WDR17: variants seen among roughly 807,000 people sequenced by gnomAD.
The protein encoded by WDR17 is WD repeat domain 17, also known as WD repeat-containing protein 17.
Under a neutral mutation model 161.7 loss-of-function variants are expected in WDR17, and 143 were observed. The ratio of observed to expected loss-of-function variants is 0.88; its 90% CI spans 0.77 to 1.02. WDR17 has a LOEUF of 1.02. WDR17 is among the 50% of genes least tolerant of loss of function. The probability of loss-of-function intolerance (pLI) is 0.00; values close to 1 mark genes in which losing one functional copy is unlikely to be tolerated. For synonymous variants in WDR17, 517 were observed against 515.6 expected (o/e 1.00, Z -0.04); for missense variants, 1,469 against 1,520.9 (o/e 0.97, Z 0.57).
intron 26 of WDR17, among the ~76,000 whole-genome samples, chr4:176,175,597 T>G (rs1326217700): frequency 2.6e-5 from 4 of 152,014 alleles, no homozygotes; most frequent in Non-Finnish European, 4.4e-5. Flanking sequence ...TCTCTCTGTC[T>G]CCCAGGCTGG....
At chr4:176,114,902 A>G (rs1366967289) in intron 2 of WDR17, among the ~76,000 whole-genome samples, 1 of 151,576 alleles carries the variant, frequency 6.6e-6, no homozygotes, top group African/African-American at 2.4e-5. Context: ...AAGGCCATCA[A>G]GTGGAGGTGA....
intron 22 of WDR17, 111 bp from the exon 23 acceptor site, chr4:176,168,561 A>G: frequency 1.5e-6 from 2 of 1,305,680 alleles, no homozygotes. Context: ...GTTTGTGTAA[A>G]TTAAAAAGCA....
chr4:176,115,589 C>T (rs2126707044), intron 2 of WDR17, among the ~76,000 whole-genome samples: 1 of 151,490 alleles, frequency 6.6e-6, no homozygotes, highest in South Asian at 2.1e-4. Flanking sequence ...TGTTTTTATT[C>T]TCTCAGTTTT....
chr4:176,172,650 G>A (rs147376026), intron 24 of WDR17, 134 bp downstream of exon 24: 11,700 of 835,020 alleles, frequency 0.014, 105 homozygotes, highest in Middle Eastern at 0.022. Flanking sequence ...TATAAAGAAA[G>A]TAGATTTATT....
In WDR17 at chr4:176,092,952, G is replaced by A. The variant is rs188411755; in HGVS notation, c.-6-18623G>A. On this transcript the variant is annotated intron_variant, in intron 1 of 28. Coordinates refer to ENST00000508596, the MANE Select transcript of WDR17 (RefSeq NM_181265.4). ...AGCTACTTTGGTGGTTGAGGCATGA[G>A]AATCGCTTGAACCTGGGAGGCGGAG... Among the ~76,000 whole-genome samples the A allele has an allele frequency of 5.5e-4, 83 of 152,268 alleles. 1 individual carries two copies. The highest frequency in any genetic ancestry group is 1.9e-3 in the African/African-American group (80 of 41,546).
chr4:176,113,396 A>G (rs758810246), intron 2 of WDR17, among the ~76,000 whole-genome samples: 2 of 152,084 alleles, frequency 1.3e-5, no homozygotes, highest in Non-Finnish European at 2.9e-5. Flanking sequence ...TATGATGAAT[A>G]TTTTAAAATA....
At chr4:176,145,433 A>G (rs1746010920) in intron 11 of WDR17, among the ~76,000 whole-genome samples, 1 of 152,326 alleles carries the variant, frequency 6.6e-6, no homozygotes, top group South Asian at 2.1e-4. Context: ...AAGCCATCAA[A>G]AAGGAATGGA....
At chr4:176,076,958 A>G (rs1171788538) in intron 1 of WDR17, among the ~76,000 whole-genome samples, 1 of 152,060 alleles carries the variant, frequency 6.6e-6, no homozygotes, top group Non-Finnish European at 1.5e-5. Flanking sequence ...TCTAATAGGC[A>G]TTGTCTAGCA....
Position 176,111,639 on chromosome 4 carries a change from A to T in WDR17, c.59A>T (p.Asp20Val), listed in dbSNP as rs148979622. The T allele has an allele frequency of 5.0e-6, 8 of 1,611,438 alleles. No homozygotes were observed. Among genetic ancestry groups the T allele is most frequent in the Non-Finnish European group, 5.9e-6 (7 of 1,178,404 alleles). Residue 20 changes from aspartate (D) to valine (V), a missense_variant, in exon 2 of 29, where the codon GAT becomes GTT. Asp to Val is a radical substitution (Grantham distance 152). Transcript: ENST00000508596. ...GCTGGATGTCAGCCATGGAACAAGG[A>T]TGTATGTGCTGCCAGTGGAGACAGG... ...LAAGCQPWNKDVCAASGDRFA... is the reference protein window; with the variant it reads ...LAAGCQPWNKVVCAASGDRFA...
In WDR17 at chr4:176,179,739, A is replaced by G; in HGVS notation, c.*160A>G. 1.0e-5 allele frequency: 2 copies of G among 194,548 alleles called. No individual in the cohort carries two copies. The highest frequency in any genetic ancestry group is 1.9e-5 in the Non-Finnish European group (2 of 103,390). The allele number at this position is 194,548 out of a possible 1,614,324, so 12.1% of individuals were successfully genotyped here. The stretch of plus-strand genomic sequence containing the variant: ...GTGAATTTTAGTCATTAACTTCAAA[A>G]TATATATATATATATAATTTAAAGG... On this transcript the variant is annotated 3_prime_UTR_variant, in exon 29 of 29. Coordinates refer to ENST00000508596, the MANE Select transcript of WDR17 (RefSeq NM_181265.4).
At chr4:176,074,867 A>C (rs1733769539) in intron 1 of WDR17, among the ~76,000 whole-genome samples, 1 of 133,090 alleles carries the variant, frequency 7.5e-6, no homozygotes, top group Admixed American at 8.2e-5. Context: ...ATTGCTCAAT[A>C]AATATTTATT....
intron 2 of WDR17, among the ~76,000 whole-genome samples, chr4:176,114,975 T>G (rs938811700): frequency 2.0e-5 from 3 of 151,958 alleles, no homozygotes; most frequent in Non-Finnish European, 4.4e-5. Flanking sequence ...TTCAAATTAC[T>G]TTGGCAAGAT....
At chr4:176,155,986 A>C in intron 17 of WDR17, 93 bp from the exon 18 acceptor site, 1 of 1,130,520 alleles carries the variant, frequency 8.8e-7, no homozygotes, top group Non-Finnish European at 1.3e-6. Flanking sequence ...AAAATACTAT[A>C]TTATAAATAC....
At chr4:176,166,081 T>C in intron 22 of WDR17, 1 of 1,065,142 alleles carries the variant, frequency 9.4e-7, no homozygotes. Flanking sequence ...TTTGTGGTAT[T>C]CATCGTATAA....
intron 17 of WDR17, among the ~76,000 whole-genome samples, chr4:176,153,579 C>T (rs1382387658): frequency 1.3e-5 from 2 of 152,226 alleles, no homozygotes; most frequent in East Asian, 3.9e-4. Flanking sequence ...TCTTCCTTTC[C>T]CTGCCTCACC....
chr4:176,089,934 G>A (rs530583848), intron 1 of WDR17, among the ~76,000 whole-genome samples: 1 of 152,168 alleles, frequency 6.6e-6, no homozygotes, highest in East Asian at 1.9e-4. Flanking sequence ...TTCCATTTAT[G>A]TATAAGTGGA....
chr4:176,144,758 G>A (rs542975854), intron 11 of WDR17, among the ~76,000 whole-genome samples: 1 of 152,196 alleles, frequency 6.6e-6, no homozygotes, highest in East Asian at 1.9e-4. Flanking sequence ...TAGTAGGTAA[G>A]TGAACCTTGA....
At chr4:176,066,378 C>G (rs1180288868) in intron 1 of WDR17, among the ~76,000 whole-genome samples, 1 of 152,184 alleles carries the variant, frequency 6.6e-6, no homozygotes, top group Non-Finnish European at 1.5e-5. Flanking sequence ...ATTTTTATGG[C>G]TATTAAGTAT....
intron 17 of WDR17, among the ~76,000 whole-genome samples, chr4:176,154,058 A>G (rs771489379): frequency 1.1e-4 from 16 of 152,206 alleles, no homozygotes; most frequent in Non-Finnish European, 5.9e-5. Flanking sequence ...GATTAAATAT[A>G]ATTTAAACTG....
Sources: allele counts gnomAD v4.1 joint callset (sites outside exome capture counted in the v4.1 genomes callset), GRCh38; gene constraint gnomAD v4.1.1; transcripts MANE v1.5; gene names NCBI Gene and HGNC (gene_info 2026-07-23, HGNC 2026-07-21).